The following RANBP10 variants were observed in gnomAD, a reference collection of about 807,000 sequenced individuals.
The protein encoded by RANBP10 is ran-binding protein 10.
RANBP10 carries 24 observed loss-of-function variants against 72.8 expected under a neutral mutation model. That is an observed-to-expected ratio of 0.33 (90% CI 0.24 to 0.46). The LOEUF is 0.46. Ranked by LOEUF, RANBP10 falls within the 20% of genes least tolerant of loss-of-function variation. The pLI, the probability that RANBP10 is intolerant of heterozygous loss-of-function variation, is 1.00. For missense variants in RANBP10, 679 were observed against 817.5 expected (o/e 0.83, Z 2.07); for synonymous variants, 310 against 322.3 (o/e 0.96, Z 0.41).
intron 6 of RANBP10, among the ~76,000 whole-genome samples, chr16:67,732,261 A>G (rs2053748341): frequency 6.6e-6 from 1 of 152,244 alleles, no homozygotes; most frequent in Non-Finnish European, 1.5e-5. Context: ...AGCAGGGCCA[A>G]TGGGAACACA....
chr16:67,804,244 T>C (rs1189293224), intron 2 of RANBP10, among the ~76,000 whole-genome samples: 1 of 152,148 alleles, frequency 6.6e-6, no homozygotes, highest in Admixed American at 6.6e-5. Context: ...CCAAGGTAGC[T>C]GCAGTCATGT....
intron 3 of RANBP10, among the ~76,000 whole-genome samples, chr16:67,754,863 G>A (rs1019388762): frequency 1.3e-5 from 2 of 152,174 alleles, no homozygotes; most frequent in Non-Finnish European, 2.9e-5. Context: ...TACAAAATGA[G>A]AGAAGAGGGA....
At chr16:67,780,927 C>A (rs2054798380) in intron 2 of RANBP10, among the ~76,000 whole-genome samples, 1 of 152,262 alleles carries the variant, frequency 6.6e-6, no homozygotes, top group African/African-American at 2.4e-5. Context: ...TGATGCCACG[C>A]ACACACATCT....
intron 2 of RANBP10, among the ~76,000 whole-genome samples, chr16:67,785,349 T>C (rs2054896100): frequency 6.6e-6 from 1 of 152,104 alleles, no homozygotes; most frequent in Non-Finnish European, 1.5e-5. Flanking sequence ...TCATGACCTT[T>C]GATTTCACAA....
chr16:67,730,975 T>TA lies in RANBP10; in HGVS notation c.889+496dup, dbSNP rs150187638. On this transcript the variant is annotated intron_variant, in intron 7 of 13. Transcript: ENST00000317506. This position sits in a 1 kb window ranked among gnomAD's most constrained non-coding sequence, Gnocchi z 4.3. Reference sequence around the variant, plus strand: ...GAGAGCTCTGGCCAAGGGAGGACTTTAGGTTGTCTGCAAAGGGCAGGACCA... The same window carrying TA: ...GAGAGCTCTGGCCAAGGGAGGACTTTAAGGTTGTCTGCAAAGGGCAGGACCA... 562 of 158,052 alleles carry TA rather than the reference T, an allele frequency of 3.6e-3. 6 individuals carry two copies. Among genetic ancestry groups the TA allele is most frequent in the African/African-American group, 0.012 (517 of 41,606 alleles). 9.8% of individuals were successfully genotyped at this position (158,052 alleles called of 1,614,324 possible).
intron 2 of RANBP10, among the ~76,000 whole-genome samples, chr16:67,797,621 C>A (rs1163583107): frequency 6.6e-6 from 1 of 152,068 alleles, no homozygotes; most frequent in Non-Finnish European, 1.5e-5. Context: ...ACCAGCCTGG[C>A]CAACATGGCA....
chr16:67,778,820 C>CAGTG (rs1178877565), intron 2 of RANBP10, among the ~76,000 whole-genome samples: 2 of 152,178 alleles, frequency 1.3e-5, no homozygotes, highest in African/African-American at 4.8e-5. Flanking sequence ...AGGGCAGGCA[C>CAGTG]AGTGGCTCAT....
intron 3 of RANBP10, among the ~76,000 whole-genome samples, chr16:67,744,809 G>A (rs1453465742): frequency 2.0e-5 from 3 of 152,206 alleles, no homozygotes; most frequent in Admixed American, 6.5e-5. Context: ...GTATCTGGCA[G>A]GTTGTTTAAA....
At chr16:67,750,770 T>TC (rs2054180211) in intron 3 of RANBP10, among the ~76,000 whole-genome samples, 1 of 145,024 alleles carries the variant, frequency 6.9e-6, no homozygotes, top group African/African-American at 2.6e-5. Context: ...TCTTTTTTTT[T>TC]TTTTTTTTTT....
rs1361047952 is a variant in RANBP10 at position 67,725,238 on chromosome 16, G to C, written c.*1190C>G. ...ACAGTGGCAGTGAAGTCTGGCCTAG[G>C]GGACCAAGGATTCCATCCACTCCCT... On this transcript the variant is annotated 3_prime_UTR_variant, in exon 14 of 14. Transcript: ENST00000317506. 6.6e-6 allele frequency: 1 copy of C among 152,516 alleles called. No homozygotes were observed. The highest frequency in any genetic ancestry group is 1.5e-5 in the Non-Finnish European group (1 of 68,148). 9.4% of individuals were successfully genotyped at this position (152,516 alleles called of 1,614,324 possible).
chr16:67,806,519 T>G lies in RANBP10; in HGVS notation c.18A>C (p.Ala6=), dbSNP rs3743730. The G allele has an allele frequency of 3.0e-4, 452 of 1,509,942 alleles. 5 individuals are homozygous for G. The East Asian group carries it at 9.2e-3, about 31-fold the overall frequency. The allele number at this position is 1,509,942 out of a possible 1,614,324, so 93.5% of individuals were successfully genotyped here. ...GCTGCGGGTTCCCAGCTCCCGGGTCTGCCGTCGCTGCCGCCATCTTGGAGG... is the reference window on the plus strand; with the variant it reads ...GCTGCGGGTTCCCAGCTCCCGGGTCGGCCGTCGCTGCCGCCATCTTGGAGG... MAAAT[A]DPGAGNPQPG... Residue 6 remains alanine (A), a synonymous_variant, in exon 1 of 14, where the codon GCA becomes GCC. Transcript: ENST00000317506.
intron 3 of RANBP10, among the ~76,000 whole-genome samples, chr16:67,768,871 A>G (rs1172618685): frequency 6.6e-6 from 1 of 152,230 alleles, no homozygotes; most frequent in African/African-American, 2.4e-5. Flanking sequence ...TTATATTTTT[A>G]AAACAGATAA....
rs1567668641 is a variant in RANBP10 at position 67,726,530 on chromosome 16, A to C, written c.1761T>G (p.Pro587=). The change falls in exon 14 of 14, where the codon CCT becomes CCG. Residue 587 remains proline (P), a synonymous_variant. Transcript: ENST00000317506. ...LESQNLPKQP[P]LMLALGQASE... Reference sequence around the variant, plus strand: ...ATGCCTGGCCCAGGGCGAGCATCAGAGGGGGCTGCTTTGGCAGGTTCTGGG... The same window carrying C: ...ATGCCTGGCCCAGGGCGAGCATCAGCGGGGGCTGCTTTGGCAGGTTCTGGG... 3 of 1,567,740 alleles carry C rather than the reference A, an allele frequency of 1.9e-6. No individual in the cohort carries two copies. Among genetic ancestry groups the C allele is most frequent in the Non-Finnish European group, 1.7e-6 (2 of 1,156,014 alleles).
intron 6 of RANBP10, among the ~76,000 whole-genome samples, chr16:67,732,959 C>G (rs1024520884): frequency 6.9e-6 from 1 of 145,888 alleles, no homozygotes; most frequent in African/African-American, 2.6e-5. Flanking sequence ...GAGGCTGAGG[C>G]AGGAGAATGG....
At chr16:67,751,587 T>C (rs2054197597) in intron 3 of RANBP10, among the ~76,000 whole-genome samples, 1 of 151,990 alleles carries the variant, frequency 6.6e-6, no homozygotes, top group Non-Finnish European at 1.5e-5. Flanking sequence ...ATTGTGCCAA[T>C]GCACTCAAGC....
chr16:67,735,982 G>C (rs1344344818), intron 5 of RANBP10, among the ~76,000 whole-genome samples: 1 of 152,002 alleles, frequency 6.6e-6, no homozygotes, highest in Non-Finnish European at 1.5e-5. Context: ...TTTCCACCTA[G>C]CCTCTACCAT....
chr16:67,776,667 G>A (rs1170065846), intron 2 of RANBP10, among the ~76,000 whole-genome samples: 1 of 150,572 alleles, frequency 6.6e-6, no homozygotes, highest in African/African-American at 2.4e-5. Context: ...CAGCTACTTG[G>A]GAGGCCAAGG....
At chr16:67,761,860 C>T (rs767945917) in intron 3 of RANBP10, among the ~76,000 whole-genome samples, 7 of 152,106 alleles carry the variant, frequency 4.6e-5, no homozygotes, top group Admixed American at 3.9e-4. Flanking sequence ...CGTAAGCCAC[C>T]GTGCCCGGAC....
intron 4 of RANBP10, 81 bp from the exon 5 acceptor site, chr16:67,738,116 G>A (rs1045417212): frequency 1.4e-6 from 2 of 1,414,442 alleles, no homozygotes; most frequent in African/African-American, 1.5e-5. Context: ...GCCAGTGCTA[G>A]GGCCGGGTAG....
Sources: allele counts gnomAD v4.1 joint callset (sites outside exome capture counted in the v4.1 genomes callset), GRCh38; gene constraint gnomAD v4.1.1; non-coding constraint Gnocchi (gnomAD v3.1); transcripts MANE v1.5; gene names NCBI Gene and HGNC (gene_info 2026-07-23, HGNC 2026-07-21).